Variants in CTNNA1 observed in about 807,000 individuals in gnomAD.
CTNNA1 encodes the protein catenin alpha-1.
A neutral mutation model predicts 98.4 loss-of-function variants in CTNNA1; 37 were observed. The ratio of observed to expected loss-of-function variants is 0.38; its 90% CI spans 0.29 to 0.49. CTNNA1 has a LOEUF of 0.49. Among genes scored for constraint, CTNNA1 ranks in the 20% least tolerant of loss-of-function variants. The pLI, the probability that CTNNA1 is intolerant of heterozygous loss-of-function variation, is 0.95. For synonymous variants in CTNNA1, 404 were observed against 413.2 expected (o/e 0.98, Z 0.27); for missense variants, 761 against 1,147.2 (o/e 0.66, Z 4.86).
At chr5:138,788,249 C>G (rs568796579) in intron 3 of CTNNA1, among the ~76,000 whole-genome samples, 1 of 152,210 alleles carries the variant, frequency 6.6e-6, no homozygotes, top group South Asian at 2.1e-4. Flanking sequence ...CTGTTTGTAT[C>G]TATGATAGTA....
At chr5:138,887,353 A>T in intron 8 of CTNNA1, 137 bp from the exon 9 acceptor site, 1 of 572,894 alleles carries the variant, frequency 1.7e-6, no homozygotes, top group Non-Finnish European at 3.0e-6. Context: ...TGCATGGCTT[A>T]CATGAGGGGT....
chr5:138,913,035 G>A (rs912702708), intron 10 of CTNNA1, among the ~76,000 whole-genome samples: 2 of 150,936 alleles, frequency 1.3e-5, no homozygotes, highest in Non-Finnish European at 2.9e-5. Context: ...TATATATGGC[G>A]ACTTAGTATA....
chr5:138,858,588 CTTTTTCTTTTTT>C (rs1440580093), intron 7 of CTNNA1, among the ~76,000 whole-genome samples: 2 of 66,818 alleles, frequency 3.0e-5, no homozygotes, highest in Non-Finnish European at 5.6e-5. Context: ...TTTTCTTTTT[CTTTTTCTTTTTT>C]TTTTTTTTTT....
intron 7 of CTNNA1, among the ~76,000 whole-genome samples, chr5:138,863,087 A>G (rs1298836560): frequency 6.6e-6 from 1 of 152,098 alleles, no homozygotes; most frequent in Non-Finnish European, 1.5e-5. Flanking sequence ...TCAGAGGCTC[A>G]AGTGTGGATC....
intron 5 of CTNNA1, among the ~76,000 whole-genome samples, chr5:138,818,217 TCCCA>T (rs1157629112): frequency 1.6e-4 from 24 of 150,318 alleles, no homozygotes; most frequent in African/African-American, 5.9e-4. Flanking sequence ...CAAGTGATCC[TCCCA>T]TCTCAGCCTC....
At chr5:138,836,059 C>G (rs1292202715) in intron 7 of CTNNA1, among the ~76,000 whole-genome samples, 2 of 152,148 alleles carry the variant, frequency 1.3e-5, no homozygotes, top group Admixed American at 6.6e-5. Flanking sequence ...TGCTATTGGC[C>G]AGGCTGGTCT....
chr5:138,799,440 G>A (rs555933500), intron 3 of CTNNA1, among the ~76,000 whole-genome samples: 37 of 152,210 alleles, frequency 2.4e-4, no homozygotes, highest in Admixed American at 8.5e-4. Context: ...GATTACAGGC[G>A]TGACCACCAT....
intron 11 of CTNNA1, among the ~76,000 whole-genome samples, chr5:138,922,667 G>A (rs531345838): frequency 2.0e-5 from 3 of 152,248 alleles, no homozygotes; most frequent in South Asian, 2.1e-4. Flanking sequence ...GGCAGAGCCT[G>A]TCCCCCTCTG....
intron 4 of CTNNA1, among the ~76,000 whole-genome samples, chr5:138,810,876 G>C (rs1758624019): frequency 6.6e-6 from 1 of 151,834 alleles, no homozygotes; most frequent in South Asian, 2.1e-4. Context: ...GCCGGGCAGA[G>C]GCGCCCCTCA....
At chr5:138,764,222 C>T (rs574196583) in intron 1 of CTNNA1, among the ~76,000 whole-genome samples, 7 of 150,676 alleles carry the variant, frequency 4.6e-5, no homozygotes, top group East Asian at 4.0e-4. Flanking sequence ...AATAATTAGC[C>T]GGGCATGGTG....
intron 9 of CTNNA1, among the ~76,000 whole-genome samples, chr5:138,889,806 G>A (rs1754953171): frequency 6.6e-6 from 1 of 152,062 alleles, no homozygotes; most frequent in African/African-American, 2.4e-5. Flanking sequence ...TCTGCAAACA[G>A]TTAAATTACA....
chr5:138,767,185 G>T (rs1204696609), intron 1 of CTNNA1, among the ~76,000 whole-genome samples: 1 of 152,032 alleles, frequency 6.6e-6, no homozygotes, highest in Non-Finnish European at 1.5e-5. Context: ...ACAGGCGCCC[G>T]CCATCACGCC....
At chr5:138,887,401 T>C in intron 8 of CTNNA1, 89 bp from the exon 9 acceptor site, 1 of 942,652 alleles carries the variant, frequency 1.1e-6, no homozygotes. Context: ...TAAGCTTCAT[T>C]AGATTTAAGT....
intron 7 of CTNNA1, among the ~76,000 whole-genome samples, chr5:138,834,301 C>T (rs1228530399): frequency 6.6e-6 from 1 of 151,996 alleles, no homozygotes; most frequent in Non-Finnish European, 1.5e-5. Context: ...GTCCATAATC[C>T]CACCACTCAT....
At chr5:138,796,319 G>A (rs1041024719) in intron 3 of CTNNA1, among the ~76,000 whole-genome samples, 6 of 152,200 alleles carry the variant, frequency 3.9e-5, no homozygotes, top group African/African-American at 1.4e-4. Context: ...CACTTTGGGA[G>A]GCCAAGGCAG....
At chr5:138,753,590 TG>T in intron 1 of CTNNA1, 80 bp downstream of exon 1, 1 of 325,426 alleles carries the variant, frequency 3.1e-6, no homozygotes, top group Non-Finnish European at 5.5e-6. Context: ...CGTCCCAAGC[TG>T]GGCCCCGCGA....
rs1766064979 is a variant in CTNNA1, at chr5:138,934,250, A to G, written c.*161A>G. 1 of 588,762 alleles carries G rather than the reference A, an allele frequency of 1.7e-6. No individual in the cohort carries two copies. The highest frequency in any genetic ancestry group is 1.9e-5 in the African/African-American group (1 of 53,592). 36.5% of individuals were successfully genotyped at this position (588,762 alleles called of 1,614,324 possible). On this transcript the variant is annotated 3_prime_UTR_variant, in exon 18 of 18. Coordinates refer to ENST00000302763, the MANE Select transcript of CTNNA1 (RefSeq NM_001903.5). ...GGTGAATTTTCCAAGAACATAGTTT[A>G]AGTTGATTAAAAATGCTTTTAGAAT...
chr5:138,854,297 A>G (rs1333459111), intron 7 of CTNNA1, among the ~76,000 whole-genome samples: 4 of 152,146 alleles, frequency 2.6e-5, no homozygotes, highest in East Asian at 3.8e-4. Context: ...CAGTCAGTAC[A>G]AGACTCAAAA....
chr5:138,819,239 G>A (rs1759766931), intron 5 of CTNNA1, among the ~76,000 whole-genome samples: 1 of 152,094 alleles, frequency 6.6e-6, no homozygotes, highest in East Asian at 1.9e-4. Flanking sequence ...CAGTATCCTA[G>A]GCTCTGTGAA....
Sources: gnomAD v4.1 joint callset for allele counts (sites outside exome capture counted in the v4.1 genomes callset) on GRCh38, gnomAD v4.1.1 for gene constraint, MANE v1.5 for transcripts, NCBI Gene and HGNC (gene_info 2026-07-23, HGNC 2026-07-21) for gene names.